Variants in EMSY observed in about 807,000 individuals in gnomAD.
EMSY encodes EMSY transcriptional repressor, BRCA2 interacting.
Under a neutral mutation model 134.6 loss-of-function variants are expected in EMSY, and 26 were observed. That is an observed-to-expected ratio of 0.19 (90% CI 0.14 to 0.27). EMSY has a LOEUF of 0.27. Among genes scored for constraint, EMSY ranks in the 10% least tolerant of loss-of-function variants. EMSY has a pLI of 1.00. For missense variants in EMSY, 1,305 were observed against 1,611.4 expected (o/e 0.81, Z 3.26); for synonymous variants, 579 against 577.8 (o/e 1.00, Z -0.03).
At chr11:76,521,754 CCT>C (rs1950644817) in intron 11 of EMSY, among the ~76,000 whole-genome samples, 1 of 150,132 alleles carries the variant, frequency 6.7e-6, no homozygotes, top group East Asian at 1.9e-4. Flanking sequence ...AGAGTGAGAC[CCT>C]GTTTCTCTTA....
At chr11:76,502,657 A>G (rs1419976819) in intron 9 of EMSY, among the ~76,000 whole-genome samples, 4 of 152,098 alleles carry the variant, frequency 2.6e-5, no homozygotes, top group East Asian at 1.9e-4. Context: ...TAAATTAGCA[A>G]TATACAATCT....
At chr11:76,471,827 C>T (rs530886468) in intron 7 of EMSY, among the ~76,000 whole-genome samples, 25 of 152,232 alleles carry the variant, frequency 1.6e-4, no homozygotes, top group African/African-American at 5.5e-4. Flanking sequence ...CATTTCTATC[C>T]CGTTCACTAG....
intron 10 of EMSY, among the ~76,000 whole-genome samples, chr11:76,513,801 T>G (rs1010223418): frequency 2.0e-5 from 3 of 152,160 alleles, no homozygotes; most frequent in Non-Finnish European, 4.4e-5. Flanking sequence ...TTTGATATTG[T>G]TCCTTTTATT....
intron 5 of EMSY, 167 bp from the exon 7 acceptor site, chr11:76,459,766 G>T: frequency 3.3e-6 from 2 of 602,004 alleles, no homozygotes. Flanking sequence ...ATAATTTTCA[G>T]GAAAGGTTAT....
At position 76,458,131 on chromosome 11, in the gene EMSY, T is replaced by C; in HGVS notation, c.246-52T>C. ...TATATGTTTGAGCATATATGTTTGATTTGTTTTTAGTGATTGAAAACCCTT... is the reference window on the plus strand; with the variant it reads ...TATATGTTTGAGCATATATGTTTGACTTGTTTTTAGTGATTGAAAACCCTT... On this transcript the variant is annotated intron_variant, in intron 4 of 20. Coordinates refer to ENST00000334736, the Ensembl canonical transcript of EMSY. The C allele has an allele frequency of 4.7e-6, 7 of 1,498,234 alleles. No individual in the cohort carries two copies. The South Asian group carries it at 9.2e-5, about 20-fold the overall frequency. 92.8% of individuals were successfully genotyped at this position (1,498,234 alleles called of 1,614,324 possible).
At chr11:76,459,168 A>G (rs985801491) in intron 5 of EMSY, 1 of 152,228 alleles carries the variant, frequency 6.6e-6, no homozygotes, top group African/African-American at 2.4e-5. Flanking sequence ...TGGAAAGAAT[A>G]CAGAGTTTCC....
In EMSY at chr11:76,526,649, T is replaced by C. The variant is rs1565348536; in HGVS notation, c.1995+14T>C. The C allele has an allele frequency of 6.3e-7, 1 of 1,576,572 alleles. No individual in the cohort carries two copies. On this transcript the variant is annotated intron_variant, in intron 13 of 20. Coordinates refer to ENST00000334736, the Ensembl canonical transcript of EMSY. The stretch of plus-strand genomic sequence containing the variant: ...GGGAAAACGCAGGTATGCTATAAGA[T>C]ATGATGATTTTTCTTGGCTCTTAAA...
chr11:76,543,653 G>A (rs997218804), intron 18 of EMSY, among the ~76,000 whole-genome samples: 6 of 152,172 alleles, frequency 3.9e-5, no homozygotes, highest in Admixed American at 6.5e-5. Flanking sequence ...GTCTCCTTCC[G>A]TCCTGGGAGC....
intron 14 of EMSY, 119 bp downstream of exon 15, chr11:76,528,585 C>CTTTTT (rs1202039448): frequency 6.4e-5 from 27 of 420,102 alleles, no homozygotes; most frequent in African/African-American, 3.8e-4. Flanking sequence ...AATTCTTTTC[C>CTTTTT]TTTTTTTTTT....
chr11:76,483,467 T>G (rs553880767), intron 8 of EMSY, among the ~76,000 whole-genome samples: 3 of 152,244 alleles, frequency 2.0e-5, no homozygotes, highest in Non-Finnish European at 4.4e-5. Context: ...GTAAATTGGA[T>G]AGAGAGTCAA....
chr11:76,550,276 C>T, exon 21 of EMSY: 3 of 599,036 alleles, frequency 5.0e-6, no homozygotes, highest in Non-Finnish European at 7.4e-6. Context: ...AGCAGTGTTT[C>T]AACAAGATGT....
chr11:76,450,364 A>G (rs1311593277), intron 2 of EMSY, among the ~76,000 whole-genome samples: 2 of 151,978 alleles, frequency 1.3e-5, no homozygotes, highest in East Asian at 1.9e-4. Flanking sequence ...TTCCTTCACT[A>G]CTCTGAGCAG....
intron 9 of EMSY, among the ~76,000 whole-genome samples, chr11:76,509,612 ATTTAAT>A (rs770511998): frequency 1.3e-5 from 2 of 152,256 alleles, no homozygotes; most frequent in Non-Finnish European, 2.9e-5. Context: ...TGAAGAAGCA[ATTTAAT>A]TTTATGTACT....
exon 21 of EMSY, chr11:76,550,906 C>T (rs1344759339): frequency 2.0e-5 from 3 of 152,592 alleles, no homozygotes; most frequent in Non-Finnish European, 2.9e-5. Context: ...GTCGTCTCCC[C>T]ACTTTCCCTC....
chr11:76,541,790 T>C (rs192764899), intron 17 of EMSY, among the ~76,000 whole-genome samples: 1 of 152,376 alleles, frequency 6.6e-6, no homozygotes, highest in African/African-American at 2.4e-5. Flanking sequence ...AGAATGTGTA[T>C]TGCCTTACTT....
exon 13 of EMSY, chr11:76,526,629 A>G (rs781401211): frequency 6.2e-7 from 1 of 1,612,466 alleles, no homozygotes; most frequent in Non-Finnish European, 8.5e-7. Context: ...AGCAAGGGAA[A>G]ACGCAGGTAT....
chr11:76,463,745 T>A, intron 6 of EMSY, 76 bp from the exon 8 acceptor site: 1 of 1,487,880 alleles, frequency 6.7e-7, no homozygotes, highest in Non-Finnish European at 9.1e-7. Context: ...AAGGATGATA[T>A]AAAGATTTTA....
intron 14 of EMSY, among the ~76,000 whole-genome samples, chr11:76,532,526 C>T (rs998036227): frequency 1.3e-5 from 2 of 152,040 alleles, no homozygotes; most frequent in African/African-American, 4.8e-5. Flanking sequence ...CGTTCCTGTG[C>T]TTTTCTTCCT....
chr11:76,488,526 T>C (rs1274873776), intron 8 of EMSY, among the ~76,000 whole-genome samples: 2 of 11,206 alleles, frequency 1.8e-4, no homozygotes, highest in Non-Finnish European at 2.6e-4. Flanking sequence ...TTTATGCTAT[T>C]TTTTTTTTGT....
Sources: allele counts gnomAD v4.1 joint callset (sites outside exome capture counted in the v4.1 genomes callset), GRCh38; gene constraint gnomAD v4.1.1; transcripts MANE v1.5; gene names NCBI Gene and HGNC (gene_info 2026-07-23, HGNC 2026-07-21).